Variants in NALF1 observed in about 807,000 individuals in gnomAD.
The protein encoded by NALF1 is family with sequence similarity 155 member A.
A neutral mutation model predicts 48.4 loss-of-function variants in NALF1; 3 were observed. The ratio of observed to expected loss-of-function variants is 0.06; its 90% CI spans 0.03 to 0.16. The LOEUF (loss-of-function observed/expected upper bound fraction) is 0.16. Ranked by LOEUF, NALF1 falls within the 10% of genes least tolerant of loss-of-function variation. NALF1 has a pLI of 1.00. For synonymous variants in NALF1, 262 were observed against 245.7 expected (o/e 1.07, Z -0.62); for missense variants, 526 against 571.5 (o/e 0.92, Z 0.81).
chr13:107,521,428 A>G (rs571610767), intron 1 of NALF1, among the ~76,000 whole-genome samples: 1 of 152,350 alleles, frequency 6.6e-6, no homozygotes, highest in Non-Finnish European at 1.5e-5. Context: ...ACTTAAACTT[A>G]GTAACATAAA....
At chr13:107,281,015 T>C (rs1881375953) in intron 1 of NALF1, among the ~76,000 whole-genome samples, 1 of 152,254 alleles carries the variant, frequency 6.6e-6, no homozygotes, top group Non-Finnish European at 1.5e-5. Context: ...TCTATCTTTT[T>C]ATATGTCCAT....
chr13:107,765,495 A>G (rs1234229512), intron 1 of NALF1, among the ~76,000 whole-genome samples: 1 of 152,226 alleles, frequency 6.6e-6, no homozygotes, highest in Non-Finnish European at 1.5e-5. Flanking sequence ...GATATTATAT[A>G]GCTCAGCACA....
chr13:107,861,627 A>G (rs2138650421), intron 1 of NALF1, among the ~76,000 whole-genome samples: 1 of 152,332 alleles, frequency 6.6e-6, no homozygotes, highest in Non-Finnish European at 1.5e-5. Context: ...TATGAAAAAT[A>G]CAAAAAATTA....
intron 1 of NALF1, among the ~76,000 whole-genome samples, chr13:107,320,699 T>G (rs1002487150): frequency 6.6e-6 from 1 of 152,100 alleles, no homozygotes; most frequent in African/African-American, 2.4e-5. Context: ...GAAAAGGATC[T>G]ACGACAGGAC....
At chr13:107,742,547 G>A (rs1377731538) in intron 1 of NALF1, among the ~76,000 whole-genome samples, 2 of 152,148 alleles carry the variant, frequency 1.3e-5, no homozygotes, top group African/African-American at 2.4e-5. Flanking sequence ...TGAGAAGCAT[G>A]GGTTTACTTC....
intron 1 of NALF1, among the ~76,000 whole-genome samples, chr13:107,712,034 G>C (rs1875607334): frequency 6.6e-6 from 1 of 151,144 alleles, no homozygotes; most frequent in South Asian, 2.1e-4. Flanking sequence ...GTCCCAGCAA[G>C]AATATACAAA....
rs538475346 is a variant in NALF1, at chr13:107,367,691, C to G, written c.916-156936G>C. Among the ~76,000 whole-genome samples the G allele has an allele frequency of 5.9e-5, 9 of 152,208 alleles. No individual in the cohort carries two copies. The South Asian group carries it at 1.9e-3, about 32-fold the overall frequency. The stretch of plus-strand genomic sequence containing the variant: ...ACACGGGCAGAAGCGTACTGATGCC[C>G]CTTGTGCAAAATAATACAACATTTC... On this transcript the variant is annotated intron_variant, in intron 1 of 2. Transcript: ENST00000375915.
At chr13:107,408,110 G>T (rs1046034801) in intron 1 of NALF1, among the ~76,000 whole-genome samples, 2 of 152,018 alleles carry the variant, frequency 1.3e-5, no homozygotes, top group African/African-American at 4.8e-5. Flanking sequence ...CAGAGGCTGG[G>T]AATGATAGCC....
intron 1 of NALF1, among the ~76,000 whole-genome samples, chr13:107,779,195 G>A (rs2138576639): frequency 6.6e-6 from 1 of 152,170 alleles, no homozygotes; most frequent in East Asian, 1.9e-4. Flanking sequence ...TCTAAATAAG[G>A]GATGGATGTG....
intron 1 of NALF1, among the ~76,000 whole-genome samples, chr13:107,655,412 G>A (rs1880551217): frequency 6.6e-6 from 1 of 151,836 alleles, no homozygotes; most frequent in South Asian, 2.1e-4. Context: ...CCAAATAGCT[G>A]CAAAAAATAA....
intron 1 of NALF1, among the ~76,000 whole-genome samples, chr13:107,712,083 A>G (rs1280802190): frequency 1.3e-5 from 2 of 152,172 alleles, no homozygotes; most frequent in African/African-American, 4.8e-5. Flanking sequence ...ACACTAAAAA[A>G]AAAAACCTTT....
intron 1 of NALF1, among the ~76,000 whole-genome samples, chr13:107,451,093 G>A (rs576980276): frequency 1.3e-5 from 2 of 152,326 alleles, no homozygotes; most frequent in Non-Finnish European, 2.9e-5. Flanking sequence ...GGATGACTGT[G>A]CTCCACTGAG....
chr13:107,325,460 T>G (rs1379210639), intron 1 of NALF1, among the ~76,000 whole-genome samples: 1 of 152,140 alleles, frequency 6.6e-6, no homozygotes, highest in Non-Finnish European at 1.5e-5. Flanking sequence ...AATTAGTATG[T>G]TTCAGAGCTG....
At position 107,324,071 on chromosome 13, in the gene NALF1, T is replaced by C. The variant is rs1253808256; in HGVS notation, c.916-113316A>G. On this transcript the variant is annotated intron_variant, in intron 1 of 2. Transcript: ENST00000375915. ...TTACAGTGGGCTATGAATGTGCCAC[T>C]GCACTCCAGCCTAGGCAACAGACAA... Among the ~76,000 whole-genome samples, 4 of 152,202 alleles carry C rather than the reference T, an allele frequency of 2.6e-5. No individual in the cohort carries two copies. The South Asian group carries it at 8.3e-4, about 31-fold the overall frequency.
chr13:107,516,368 T>C lies in NALF1; in HGVS notation c.916-305613A>G, dbSNP rs192115365. Among the ~76,000 whole-genome samples the C allele has an allele frequency of 2.6e-5, 4 of 152,316 alleles. No individual in the cohort carries two copies. The East Asian group carries it at 7.7e-4, about 29-fold the overall frequency. On this transcript the variant is annotated intron_variant, in intron 1 of 2. Coordinates refer to ENST00000375915, the MANE Select transcript of NALF1 (RefSeq NM_001080396.3). ...CATGTGGTATTTACTTGCTGTTCTG[T>C]GCCTATTAAGTGTACCATATTAACA...
intron 1 of NALF1, among the ~76,000 whole-genome samples, chr13:107,828,606 TACACACACACAC>T (rs60869824): frequency 1.8e-4 from 19 of 103,910 alleles, no homozygotes; most frequent in African/African-American, 3.7e-4. Flanking sequence ...TCTATATCTA[TACACACACACAC>T]ACACACACAC....
At chr13:107,827,397 C>A (rs539927694) in intron 1 of NALF1, among the ~76,000 whole-genome samples, 1 of 152,180 alleles carries the variant, frequency 6.6e-6, no homozygotes, top group East Asian at 1.9e-4. Flanking sequence ...TATGTCTTTC[C>A]TTCAGGTCAT....
intron 1 of NALF1, among the ~76,000 whole-genome samples, chr13:107,325,251 A>C (rs1882329516): frequency 6.6e-6 from 1 of 152,192 alleles, no homozygotes; most frequent in South Asian, 2.1e-4. Context: ...AAATTAAAAT[A>C]ATACAAATAA....
intron 1 of NALF1, among the ~76,000 whole-genome samples, chr13:107,238,021 A>G (rs921638804): frequency 8.5e-5 from 13 of 152,212 alleles, no homozygotes; most frequent in Admixed American, 8.5e-4. Flanking sequence ...AGGGACACAT[A>G]AACCATGATG....
Sources: allele counts gnomAD v4.1 joint callset (sites outside exome capture counted in the v4.1 genomes callset), GRCh38; gene constraint gnomAD v4.1.1; transcripts MANE v1.5; gene names NCBI Gene and HGNC (gene_info 2026-07-23, HGNC 2026-07-21).